VAV2: variants seen among roughly 807,000 people sequenced by gnomAD.
VAV2 encodes the protein guanine nucleotide exchange factor VAV2.
In VAV2, 67 loss-of-function variants were observed where a neutral mutation model predicts 132.5. The observed-to-expected ratio is 0.51, with a 90% CI of 0.42 to 0.62. The LOEUF is 0.62. VAV2 is among the 20% of genes least tolerant of loss of function. VAV2 has a pLI of 0.00. For synonymous variants in VAV2, 492 were observed against 443.5 expected (o/e 1.11, Z -1.37); for missense variants, 938 against 1,153.6 (o/e 0.81, Z 2.71).
intron 2 of VAV2, among the ~76,000 whole-genome samples, chr9:133,867,357 C>T (rs1230299354): frequency 1.3e-5 from 2 of 152,196 alleles, no homozygotes; most frequent in Non-Finnish European, 2.9e-5. Context: ...AAAAAGTGAC[C>T]CAATCACCCT....
At chr9:133,861,203 C>T (rs959893798) in intron 3 of VAV2, 171 bp downstream of exon 3, 25 of 656,936 alleles carry the variant, frequency 3.8e-5, no homozygotes, top group Non-Finnish European at 5.5e-5. Flanking sequence ...CTCCCGCCCC[C>T]CACACCCCTT....
chr9:133,903,008 G>C (rs1231955527), intron 2 of VAV2, among the ~76,000 whole-genome samples: 5 of 150,656 alleles, frequency 3.3e-5, no homozygotes, highest in African/African-American at 1.2e-4. Flanking sequence ...CCGGGAAGTA[G>C]AGGTTGTAGT....
Position 133,974,840 on chromosome 9 carries a change from G to A in VAV2, c.204+17235C>T, listed in dbSNP as rs544613734. Among the ~76,000 whole-genome samples the A allele has an allele frequency of 3.3e-5, 5 of 152,306 alleles. No individual in the cohort carries two copies. In the South Asian group the frequency reaches 1.0e-3, roughly 32 times the overall value. On this transcript the variant is annotated intron_variant, in intron 1 of 29. Transcript: ENST00000371850. ...CTTCTGCTTCCAGGACTTCCAGACA[G>A]GACACTCACTTTTCTGACTGGCCCC...
At chr9:133,828,362 TCACCACCTAC>T (rs1564385874) in intron 4 of VAV2, among the ~76,000 whole-genome samples, 2 of 11,006 alleles carry the variant, frequency 1.8e-4, no homozygotes, top group South Asian at 3.6e-3. Context: ...AGCACGGGCA[TCACCACCTAC>T]CGCTGCGCCC....
At chr9:133,772,710 C>G (rs1193211878) in intron 25 of VAV2, among the ~76,000 whole-genome samples, 1 of 152,204 alleles carries the variant, frequency 6.6e-6, no homozygotes, top group Non-Finnish European at 1.5e-5. Flanking sequence ...TAGCAAGCAG[C>G]TGGCAGACCA....
chr9:133,803,403 C>T (rs1835014654), intron 9 of VAV2, among the ~76,000 whole-genome samples: 1 of 151,194 alleles, frequency 6.6e-6, no homozygotes, highest in Non-Finnish European at 1.5e-5. Context: ...CTCCCCGCAG[C>T]ATGACTCACT....
intron 13 of VAV2, among the ~76,000 whole-genome samples, chr9:133,789,834 GTC>G (rs1834381708): frequency 6.6e-6 from 1 of 152,264 alleles, no homozygotes; most frequent in African/African-American, 2.4e-5. Flanking sequence ...GTCTGGTTTT[GTC>G]TCTGTGACTC....
chr9:133,871,488 G>GCA (rs1838052300), intron 2 of VAV2, among the ~76,000 whole-genome samples: 1 of 130,170 alleles, frequency 7.7e-6, no homozygotes, highest in African/African-American at 4.1e-5. Context: ...ATGGATGGAT[G>GCA]GATGGATGGA....
At chr9:133,783,271 T>C (rs1185453146) in intron 19 of VAV2, among the ~76,000 whole-genome samples, 5 of 152,108 alleles carry the variant, frequency 3.3e-5, no homozygotes, top group African/African-American at 9.7e-5. Flanking sequence ...GGTCCTCAAG[T>C]ACCCATTAGG....
intron 4 of VAV2, among the ~76,000 whole-genome samples, chr9:133,813,901 G>A (rs543133870): frequency 1.3e-5 from 2 of 152,360 alleles, no homozygotes; most frequent in South Asian, 2.1e-4. Context: ...CAGAATCCTT[G>A]GCGGTAACAG....
At chr9:133,795,524 C>T (rs1157379803) in intron 12 of VAV2, 144 bp downstream of exon 12, 2 of 986,790 alleles carry the variant, frequency 2.0e-6, no homozygotes, top group Non-Finnish European at 1.5e-6. Flanking sequence ...CACCCACTGC[C>T]CTGCCCTGCC....
At chr9:133,838,611 A>C (rs1836575519) in intron 3 of VAV2, among the ~76,000 whole-genome samples, 1 of 132,870 alleles carries the variant, frequency 7.5e-6, no homozygotes. Context: ...GGATGGATGT[A>C]TGGGTGTATG....
chr9:133,797,821 ACACACACG>A lies in VAV2; in HGVS notation c.837-20_837-13del, dbSNP rs770763733. On this transcript the variant is annotated splice_polypyrimidine_tract_variant and intron_variant, in intron 9 of 29. Coordinates refer to ENST00000371850, the MANE Select transcript of VAV2 (RefSeq NM_001134398.2). Reference sequence around the variant, plus strand: ...CGTAGATCAGAAGCCTGGACGGTGCACACACACGCACACACGCACACAGATTTAATGAG... The same window carrying A: ...CGTAGATCAGAAGCCTGGACGGTGCACACACACGCACACAGATTTAATGAG... 5.7e-5 allele frequency: 92 copies of A among 1,609,774 alleles called. No homozygotes were observed. The highest frequency in any genetic ancestry group is 2.5e-4 in the Admixed American group (15 of 59,442).
chr9:133,766,759 A>AATAAATAT (rs1554767605), intron 29 of VAV2, among the ~76,000 whole-genome samples: 1,535 of 112,098 alleles, frequency 0.014, 20 homozygotes, highest in Non-Finnish European at 0.021. Flanking sequence ...AGTATAAATA[A>AATAAATAT]ATATATATAT....
chr9:133,981,448 C>T (rs1013156358), intron 1 of VAV2, among the ~76,000 whole-genome samples: 2 of 152,316 alleles, frequency 1.3e-5, no homozygotes, highest in Middle Eastern at 3.4e-3. Flanking sequence ...TCAGGCCGCC[C>T]GCTGCACTCT....
chr9:133,809,017 C>T (rs371993124), intron 7 of VAV2, 23 bp downstream of exon 7: 29 of 1,607,406 alleles, frequency 1.8e-5, no homozygotes, highest in African/African-American at 2.7e-5. Context: ...TGCCATTTTC[C>T]AGTGGCCGCC....
rs540363448 is a variant in VAV2, at chr9:133,769,257, C to T, written c.2434+160G>A. On this transcript the variant is annotated intron_variant, in intron 28 of 29. Coordinates refer to ENST00000371850, the MANE Select transcript of VAV2 (RefSeq NM_001134398.2). The surrounding 1 kb of genome is among the most constrained non-coding windows in gnomAD (Gnocchi z 8.1). ...TCAGGTGCTCGCAGCAGCCTCTGCC[C>T]GGCCTCCCCAGCCCCTTTCTCCCCT... 2.6e-5 allele frequency among the ~76,000 whole-genome samples: 4 copies of T among 152,332 alleles called. No individual in the cohort carries two copies. Among genetic ancestry groups the T allele is most frequent in the African/African-American group, 7.2e-5 (3 of 41,582 alleles).
intron 1 of VAV2, among the ~76,000 whole-genome samples, chr9:133,975,823 T>C (rs945602420): frequency 6.6e-6 from 1 of 152,144 alleles, no homozygotes; most frequent in African/African-American, 2.4e-5. Context: ...TTTCAATATT[T>C]GTCAGGAGAG....
At position 133,783,531 on chromosome 9, in the gene VAV2, G is replaced by T; in HGVS notation, c.1695C>A (p.Cys565Ter). ...TKCGVGAHKE[C>*]LEVIPPCKFT... is the part of the protein sequence containing the mutation. ...ACTTGCAGGGAGGTATCACTTCCAGGCACTCCTTGTGTGCCCCGACGCCAC... is the reference window on the plus strand; with the variant it reads ...ACTTGCAGGGAGGTATCACTTCCAGTCACTCCTTGTGTGCCCCGACGCCAC... The change falls in exon 19 of 30, where the codon TGC becomes TGA. Residue 565 changes from cysteine (C) to a stop codon, truncating the protein, a stop_gained. Transcript: ENST00000371850. LOFTEE classifies it high-confidence loss of function. The T allele has an allele frequency of 6.2e-7, 1 of 1,613,902 alleles. No individual in the cohort carries two copies. Among genetic ancestry groups the T allele is most frequent in the Non-Finnish European group, 8.5e-7 (1 of 1,179,954 alleles).
Sources: allele counts gnomAD v4.1 joint callset (sites outside exome capture counted in the v4.1 genomes callset), GRCh38; gene constraint gnomAD v4.1.1; non-coding constraint Gnocchi (gnomAD v3.1); transcripts MANE v1.5; gene names NCBI Gene and HGNC (gene_info 2026-07-23, HGNC 2026-07-21).